The following WNT5A variants were observed in gnomAD, a reference collection of about 807,000 sequenced individuals.
WNT5A encodes protein Wnt-5a.
Under a neutral mutation model 42.1 loss-of-function variants are expected in WNT5A, and 9 were observed. The ratio of observed to expected loss-of-function variants is 0.21; its 90% confidence interval spans 0.13 to 0.37. The LOEUF is 0.37. WNT5A is among the 10% of genes least tolerant of loss of function. The pLI is 1.00. For synonymous variants in WNT5A, 210 were observed against 210.0 expected (o/e 1.00, Z 0.00); for missense variants, 426 against 534.0 (o/e 0.80, Z 1.99).
chr3:55,481,013 T>A, intron 1 of WNT5A, 95 bp from the exon 2 acceptor site: 1 of 1,246,324 alleles, frequency 8.0e-7, no homozygotes, highest in East Asian at 2.9e-5. Context: ...GTCTCTTAAG[T>A]TTACTGTTGA....
intron 1 of WNT5A, among the ~76,000 whole-genome samples, chr3:55,482,212 C>G (rs2051479421): frequency 1.3e-5 from 2 of 152,232 alleles, no homozygotes; most frequent in African/African-American, 4.8e-5. Context: ...AGGCCCCCAG[C>G]GGCGAAGGTT....
At chr3:55,492,489 C>T (rs2051670826), upstream of WNT5A, among the ~76,000 whole-genome samples, 1 of 152,152 alleles carries the variant, frequency 6.6e-6, no homozygotes, top group African/African-American at 2.4e-5. Context: ...TGATGAATGG[C>T]AGCTACTGTG....
chr3:55,504,467 A>AC, the WNT5A span, among the ~76,000 whole-genome samples: 10 of 138,720 alleles, frequency 7.2e-5, no homozygotes, highest in Non-Finnish European at 9.6e-5. Flanking sequence ...TTTAGGGTAA[A>AC]CCCCTTTTTT....
At chr3:55,478,919 G>A (rs2051404793) in intron 3 of WNT5A, 1 of 155,420 alleles carries the variant, frequency 6.4e-6, no homozygotes, top group South Asian at 2.1e-4. Context: ...TCGATGCTCG[G>A]GCCGTTTCAA....
rs1022867753 is a variant in WNT5A, at chr3:55,487,071, G to T, written c.-86C>A. The T allele has an allele frequency of 2.4e-6, 3 of 1,230,672 alleles. No individual in the cohort carries two copies. The highest frequency in any genetic ancestry group is 3.5e-6 in the Non-Finnish European group (3 of 856,106). The allele number at this position is 1,230,672 out of a possible 1,614,324, so 76.2% of individuals were successfully genotyped here. Reference sequence around the variant, plus strand: ...CGAGCGGAGCGACCGGGTTAAGCCTGGGGGGACGGTCAGGAGCAGGGCTGC... The same window carrying T: ...CGAGCGGAGCGACCGGGTTAAGCCTTGGGGGACGGTCAGGAGCAGGGCTGC... On this transcript the variant is annotated 5_prime_UTR_variant, in exon 1 of 5. Transcript: ENST00000264634.
chr3:55,500,292 C>G, the WNT5A span, among the ~76,000 whole-genome samples: 1 of 152,136 alleles, frequency 6.6e-6, no homozygotes, highest in South Asian at 2.1e-4. Flanking sequence ...GCATAAATCC[C>G]TGACACAAAG....
chr3:55,480,717 C>A, intron 2 of WNT5A, 68 bp downstream of exon 2: 4 of 1,429,342 alleles, frequency 2.8e-6, no homozygotes, highest in South Asian at 1.6e-5. Flanking sequence ...TAAATATTGC[C>A]GCATCATACA....
chr3:55,487,244 C>A lies in WNT5A; in HGVS notation c.-259G>T. On this transcript the variant is annotated 5_prime_UTR_variant, in exon 1 of 5. Transcript: ENST00000264634. Reference sequence around the variant, plus strand: ...GACGCGCGCGAGCCGGCAGCAAGGGCAGGGCCTGGTCGGGGCGCAACTAGG... The same window carrying A: ...GACGCGCGCGAGCCGGCAGCAAGGGAAGGGCCTGGTCGGGGCGCAACTAGG... 2.0e-6 allele frequency: 1 copy of A among 491,228 alleles called. No homozygotes were observed. 30.4% of individuals were successfully genotyped at this position (491,228 alleles called of 1,614,324 possible). A position where few individuals can be genotyped will look rare whatever the true frequency, so the allele number is the denominator to read the frequency against.
In WNT5A at chr3:55,481,338, G is replaced by A. The variant is rs920085377; in HGVS notation, c.7-420C>T. 20 of 987,062 alleles carry A rather than the reference G, an allele frequency of 2.0e-5. No individual in the cohort carries two copies. In the South Asian group the frequency reaches 4.7e-4, roughly 23 times the overall value. The allele number at this position is 987,062 out of a possible 1,614,324, so 61.1% of individuals were successfully genotyped here. A position where few individuals can be genotyped will look rare whatever the true frequency, so the allele number is the denominator to read the frequency against. On this transcript the variant is annotated intron_variant, in intron 1 of 4. Transcript: ENST00000264634. ...CTCCGTCCTCTCCCCAACCTGGGCC[G>A]AGCAACAAGTGGAGCCAGAATTAAT...
chr3:55,480,506 T>C (rs771137802), intron 2 of WNT5A, among the ~76,000 whole-genome samples: 2 of 152,222 alleles, frequency 1.3e-5, no homozygotes, highest in African/African-American at 4.8e-5. Context: ...TTCTTTTTTA[T>C]TGCATGATGT....
intron 3 of WNT5A, among the ~76,000 whole-genome samples, chr3:55,478,821 A>G (rs2051402935): frequency 6.6e-6 from 1 of 152,318 alleles, no homozygotes; most frequent in Admixed American, 6.5e-5. Context: ...CTATATCTTT[A>G]TAGCCTCAGG....
In WNT5A at chr3:55,468,043, G is replaced by C. The variant is rs2051175927; in HGVS notation, c.*2049C>G. 6.6e-6 allele frequency: 1 copy of C among 151,482 alleles called. No individual in the cohort carries two copies. The highest frequency in any genetic ancestry group is 2.4e-5 in the African/African-American group (1 of 41,272). The allele number at this position is 151,482 out of a possible 1,614,324, so 9.4% of individuals were successfully genotyped here. Reference sequence around the variant, plus strand: ...ATGAAAGCCAACCTGCCTAAGGGGGGTATGAAAGATGTGTATCTTTCCAAA... The same window carrying C: ...ATGAAAGCCAACCTGCCTAAGGGGGCTATGAAAGATGTGTATCTTTCCAAA... On this transcript the variant is annotated 3_prime_UTR_variant, in exon 5 of 5. Transcript: ENST00000264634.
chr3:55,501,618 C>G, the WNT5A span: 1 of 152,170 alleles, frequency 6.6e-6, no homozygotes, highest in African/African-American at 2.4e-5. Flanking sequence ...CATGTTCACT[C>G]GTCAGTCAAA....
upstream of WNT5A, among the ~76,000 whole-genome samples, chr3:55,491,113 G>A (rs2107034670): frequency 6.6e-6 from 1 of 152,292 alleles, no homozygotes; most frequent in African/African-American, 2.4e-5. Flanking sequence ...GCGAATGGAT[G>A]AAAGAATTAT....
At chr3:55,488,626 T>A (rs970105383), upstream of WNT5A, among the ~76,000 whole-genome samples, 1 of 152,004 alleles carries the variant, frequency 6.6e-6, no homozygotes, top group African/African-American at 2.4e-5. Context: ...ACACTCTCCT[T>A]GTCTCCCCTT....
At position 55,469,841 on chromosome 3, in the gene WNT5A, C is replaced by A. The variant is rs1381087426; in HGVS notation, c.*251G>T. ...TTCATTCTATACTATCAAAAGAAGTCTTGTATTACCTTTTCAAAGATCCAC... is the reference window on the plus strand; with the variant it reads ...TTCATTCTATACTATCAAAAGAAGTATTGTATTACCTTTTCAAAGATCCAC... On this transcript the variant is annotated 3_prime_UTR_variant, in exon 5 of 5. Transcript: ENST00000264634. The A allele has an allele frequency of 2.3e-6, 1 of 432,818 alleles. No individual in the cohort carries two copies. Among genetic ancestry groups the A allele is most frequent in the African/African-American group, 2.0e-5 (1 of 49,972 alleles). 26.8% of individuals were successfully genotyped at this position (432,818 alleles called of 1,614,324 possible).
chr3:55,479,699 GAGA>G, intron 2 of WNT5A, 135 bp from the exon 3 acceptor site: 1 of 1,263,834 alleles, frequency 7.9e-7, no homozygotes, highest in Non-Finnish European at 1.1e-6. Context: ...GACAAAGTAT[GAGA>G]AGGGCTTCAT....
upstream of WNT5A, chr3:55,487,921 T>TCCC (rs771387621): frequency 6.9e-6 from 1 of 145,256 alleles, no homozygotes; most frequent in African/African-American, 2.5e-5. Flanking sequence ...AGACGCGGGC[T>TCCC]CCCCCCCCCC....
intron 3 of WNT5A, among the ~76,000 whole-genome samples, chr3:55,477,243 AT>A (rs1157658582): frequency 1.3e-5 from 2 of 152,176 alleles, no homozygotes; most frequent in Admixed American, 1.3e-4. Flanking sequence ...AAGCAAAGAA[AT>A]TTTCCAACTA....
Sources: gnomAD v4.1 joint callset for allele counts (sites outside exome capture counted in the v4.1 genomes callset) on GRCh38, gnomAD v4.1.1 for gene constraint, MANE v1.5 for transcripts, NCBI Gene and HGNC (gene_info 2026-07-23, HGNC 2026-07-21) for gene names.